Variants in ARFGEF1 observed in about 807,000 individuals in gnomAD.
ARFGEF1 encodes the protein ARF guanine nucleotide exchange factor 1.
In ARFGEF1, 42 loss-of-function variants were observed where a neutral mutation model predicts 231.0. That is an observed-to-expected ratio of 0.18 (90% CI 0.14 to 0.24). ARFGEF1 has a LOEUF of 0.24. Ranked by LOEUF, ARFGEF1 falls within the 10% of genes least tolerant of loss-of-function variation. The pLI is 1.00. For missense variants in ARFGEF1, 1,345 were observed against 2,192.0 expected (o/e 0.61, Z 7.72); for synonymous variants, 710 against 732.3 (o/e 0.97, Z 0.49).
At chr8:67,334,420 A>G (rs1217341892) in intron 1 of ARFGEF1, among the ~76,000 whole-genome samples, 1 of 152,204 alleles carries the variant, frequency 6.6e-6, no homozygotes, top group Non-Finnish European at 1.5e-5. Flanking sequence ...AGGATGGCTA[A>G]AAATAAAAAG....
intron 19 of ARFGEF1, among the ~76,000 whole-genome samples, chr8:67,249,536 G>A (rs180770936): frequency 6.6e-6 from 1 of 150,674 alleles, no homozygotes; most frequent in Non-Finnish European, 1.5e-5. Flanking sequence ...TATACTGAAG[G>A]AAAGGCATAG....
chr8:67,231,907 G>A (rs1050672275), intron 23 of ARFGEF1, among the ~76,000 whole-genome samples: 1 of 151,708 alleles, frequency 6.6e-6, no homozygotes, highest in Non-Finnish European at 1.5e-5. Flanking sequence ...TATACAGTAG[G>A]TATGAGATAA....
chr8:67,179,955 ATTGT>A (rs1832623064), intron 5 of ARFGEF1: 1 of 1,271,082 alleles, frequency 7.9e-7, no homozygotes, highest in Non-Finnish European at 1.1e-6. Context: ...TTAAGGCTAT[ATTGT>A]TTAAATATTA....
chr8:67,259,037 T>C (rs1367320237), intron 15 of ARFGEF1, among the ~76,000 whole-genome samples: 2 of 152,050 alleles, frequency 1.3e-5, no homozygotes, highest in Admixed American at 6.6e-5. Flanking sequence ...TGTAAATAGG[T>C]TTTCTGTATT....
At position 67,226,490 on chromosome 8, in the gene ARFGEF1, C is replaced by T. The variant is rs76335832; in HGVS notation, c.3917-307G>A. On this transcript the variant is annotated intron_variant, in intron 27 of 38. Coordinates refer to ENST00000262215, the MANE Select transcript of ARFGEF1 (RefSeq NM_006421.5). ...AAAATTACTTAACCTCTCTGTATCT[C>T]GGTTTCTTGATATAAAATGGAAATA... Among the ~76,000 whole-genome samples the T allele has an allele frequency of 3.7e-3, 570 of 152,084 alleles. 4 individuals are homozygous for T. The highest frequency in any genetic ancestry group is 6.6e-3 in the Non-Finnish European group (451 of 67,984).
chr8:67,276,994 G>C (rs913687698), intron 8 of ARFGEF1, among the ~76,000 whole-genome samples: 6 of 152,092 alleles, frequency 3.9e-5, no homozygotes. Flanking sequence ...TATGTAATAA[G>C]AATGTTCTTA....
At chr8:67,209,331 G>A (rs1838638392) in intron 34 of ARFGEF1, among the ~76,000 whole-genome samples, 1 of 152,176 alleles carries the variant, frequency 6.6e-6, no homozygotes, top group South Asian at 2.1e-4. Context: ...GACACAAAAG[G>A]TTGTATTTTG....
At chr8:67,298,403 G>C (rs547970154) in intron 4 of ARFGEF1, among the ~76,000 whole-genome samples, 42 of 152,114 alleles carry the variant, frequency 2.8e-4, no homozygotes, top group African/African-American at 8.7e-4. Flanking sequence ...CACAAACTCA[G>C]AACAGGGTTT....
intron 27 of ARFGEF1, 84 bp from the exon 28 acceptor site, chr8:67,226,267 G>A: frequency 8.3e-7 from 1 of 1,199,724 alleles, no homozygotes; most frequent in Non-Finnish European, 1.1e-6. Context: ...TAGATGTAAT[G>A]CACTTCCTCT....
Position 67,238,505 on chromosome 8 carries a change from A to C in ARFGEF1, c.3139-12T>G, listed in dbSNP as rs199814639. On this transcript the variant is annotated splice_polypyrimidine_tract_variant and intron_variant, in intron 21 of 38. Coordinates refer to ENST00000262215, the MANE Select transcript of ARFGEF1 (RefSeq NM_006421.5). ...ATGCACTTCAGAATCTTAATTACAAAAAGGAAAAAAATGTTAAATTCCATG... is the reference window on the plus strand; with the variant it reads ...ATGCACTTCAGAATCTTAATTACAACAAGGAAAAAAATGTTAAATTCCATG... 6.3e-7 allele frequency: 1 copy of C among 1,582,038 alleles called. No homozygotes were observed. The highest frequency in any genetic ancestry group is 8.5e-7 in the Non-Finnish European group (1 of 1,171,334).
chr8:67,259,841 A>G lies in ARFGEF1; in HGVS notation c.2209T>C (p.Leu737=), dbSNP rs1371002176. The part of the protein sequence containing the change: ...GTTPEDIAQF[L]HQEERLDSTQ... ...GAGTCTAATCTTTCCTCTTGATGTA[A>G]GAATTGGGCAATATCTTCAGGTGTG... Residue 737 remains leucine, a synonymous_variant, in exon 15 of 39, where the codon TTA becomes CTA. Transcript: ENST00000262215. 2 of 1,610,546 alleles carry G rather than the reference A, an allele frequency of 1.2e-6. No individual in the cohort carries two copies. The highest frequency in any genetic ancestry group is 2.7e-5 in the African/African-American group (2 of 74,756).
At chr8:67,178,813 C>T (rs1333048679) in intron 5 of ARFGEF1, among the ~76,000 whole-genome samples, 1 of 152,088 alleles carries the variant, frequency 6.6e-6, no homozygotes, top group Non-Finnish European at 1.5e-5. Flanking sequence ...CGAGGGGAGG[C>T]AGCAGGGCCT....
chr8:67,175,366 T>C, downstream of ARFGEF1: 2 of 1,614,156 alleles, frequency 1.2e-6, no homozygotes, highest in Non-Finnish European at 1.7e-6. Flanking sequence ...CCTTAGAGAT[T>C]CAGCAGCAAG....
At position 67,190,633 on chromosome 8, in the gene ARFGEF1, T is replaced by C. The variant is rs751599142; in HGVS notation, c.560+9763A>G. The C allele has an allele frequency of 1.9e-6, 3 of 1,594,220 alleles. No individual in the cohort carries two copies. Among genetic ancestry groups the C allele is most frequent in the East Asian group, 4.5e-5 (2 of 44,774 alleles). ...AAGCAGTATTAAGACTCCTTCTGCT[T>C]TTCGGGGTCCTCTTAGGGGCTTACG... On this transcript the variant is annotated intron_variant, in intron 5 of 5. Coordinates refer to the ARFGEF1 transcript ENST00000518789.
At chr8:67,276,171 CCTTCTA>C (rs1379600135) in intron 8 of ARFGEF1, 62 bp from the exon 9 acceptor site, 1 of 1,562,468 alleles carries the variant, frequency 6.4e-7, no homozygotes, top group African/African-American at 1.4e-5. Context: ...ATCGCTTCAG[CCTTCTA>C]CTGTATTTCA....
At chr8:67,225,473 A>G (rs1042442151) in intron 28 of ARFGEF1, among the ~76,000 whole-genome samples, 14 of 152,202 alleles carry the variant, frequency 9.2e-5, no homozygotes, top group Admixed American at 8.5e-4. Context: ...TACCAAATCT[A>G]CGATACATCA....
At chr8:67,291,221 T>C (rs1175638511) in intron 6 of ARFGEF1, among the ~76,000 whole-genome samples, 1 of 152,120 alleles carries the variant, frequency 6.6e-6, no homozygotes, top group Non-Finnish European at 1.5e-5. Flanking sequence ...AATAACTTCA[T>C]GGGATTATTT....
chr8:67,318,590 T>C (rs1027119474), intron 1 of ARFGEF1, among the ~76,000 whole-genome samples: 4 of 152,150 alleles, frequency 2.6e-5, no homozygotes, highest in African/African-American at 9.7e-5. Flanking sequence ...CTCTAAGAAC[T>C]CATAAATGAA....
chr8:67,235,206 A>T (rs768884878), intron 22 of ARFGEF1, among the ~76,000 whole-genome samples: 33 of 151,404 alleles, frequency 2.2e-4, no homozygotes, highest in Middle Eastern at 3.4e-3. Context: ...GAATATAAAA[A>T]ATGTCTTGGA....
Sources: gnomAD v4.1 joint callset for allele counts (sites outside exome capture counted in the v4.1 genomes callset) on GRCh38, gnomAD v4.1.1 for gene constraint, MANE v1.5 for transcripts, NCBI Gene and HGNC (gene_info 2026-07-23, HGNC 2026-07-21) for gene names.